The following LMBR1 variants were observed in gnomAD, a reference collection of about 807,000 sequenced individuals.
LMBR1 encodes the protein limb development membrane protein 1.
A neutral mutation model predicts 73.9 loss-of-function variants in LMBR1; 52 were observed. The ratio of observed to expected loss-of-function variants is 0.70; its 90% CI spans 0.56 to 0.89. The LOEUF (loss-of-function observed/expected upper bound fraction) is 0.89. LMBR1 is among the 40% of genes least tolerant of loss of function. The pLI, the probability that LMBR1 is intolerant of heterozygous loss-of-function variation, is 0.00. For synonymous variants in LMBR1, 215 were observed against 209.4 expected, an observed-to-expected ratio of 1.03 and a Z score of -0.23; for missense variants, 539 against 579.8, an observed-to-expected ratio of 0.93 and a Z score of 0.72.
chr7:156,713,231 TGA>T (rs146382877), intron 15 of LMBR1, among the ~76,000 whole-genome samples: 66 of 146,214 alleles, frequency 4.5e-4, no homozygotes, highest in Non-Finnish European at 4.8e-4. Context: ...CTGCCGGGGG[TGA>T]GAGAGAGAGA....
chr7:156,750,923 A>C (rs1275744738), intron 9 of LMBR1, among the ~76,000 whole-genome samples: 1 of 152,154 alleles, frequency 6.6e-6, no homozygotes, highest in Non-Finnish European at 1.5e-5. Context: ...CAGCCTGGGC[A>C]ATATGGCAAA....
At chr7:156,712,185 A>G (rs1398132535) in intron 15 of LMBR1, among the ~76,000 whole-genome samples, 1 of 152,220 alleles carries the variant, frequency 6.6e-6, no homozygotes, top group African/African-American at 2.4e-5. Flanking sequence ...AAGTGAGCAA[A>G]GGACACACTT....
At chr7:156,677,377 A>G (rs1051559545), downstream of LMBR1, among the ~76,000 whole-genome samples, 2 of 152,128 alleles carry the variant, frequency 1.3e-5, no homozygotes, top group African/African-American at 2.4e-5. Context: ...CATGTCAGCC[A>G]TGGGTGAGGC....
chr7:156,679,285 T>C lies in LMBR1; in HGVS notation c.*4793A>G, dbSNP rs541387194. The C allele has an allele frequency of 2.0e-5, 3 of 152,302 alleles. No individual in the cohort carries two copies. The South Asian group carries it at 6.2e-4, about 32-fold the overall frequency. 9.4% of individuals were successfully genotyped at this position (152,302 alleles called of 1,614,324 possible). ...CTCACCACCCCTGCTTCCAAGTCTT[T>C]GATGAGATTCCACAGTAAAGACTAA... On this transcript the variant is annotated 3_prime_UTR_variant, in exon 17 of 17. Transcript: ENST00000353442.
At chr7:156,866,406 G>A (rs1798462100) in intron 1 of LMBR1, among the ~76,000 whole-genome samples, 1 of 151,756 alleles carries the variant, frequency 6.6e-6, no homozygotes, top group Admixed American at 6.6e-5. Context: ...ACAGGGGCCA[G>A]TTGTAGATGC....
At chr7:156,672,635 A>G in intron 4 of LMBR1, among the ~76,000 whole-genome samples, 1 of 152,262 alleles carries the variant, frequency 6.6e-6, no homozygotes, top group East Asian at 1.9e-4. Context: ...GGATTGCTCC[A>G]GGCATCCTGT....
At chr7:156,798,879 T>G (rs1389188751) in intron 4 of LMBR1, among the ~76,000 whole-genome samples, 1 of 152,052 alleles carries the variant, frequency 6.6e-6, no homozygotes, top group Admixed American at 6.6e-5. Flanking sequence ...TCTCATAGTC[T>G]TTTTAAAAAA....
intron 1 of LMBR1, among the ~76,000 whole-genome samples, chr7:156,856,052 G>A (rs545970992): frequency 1.1e-3 from 164 of 152,110 alleles, no homozygotes; most frequent in Middle Eastern, 3.4e-3. Context: ...AAAATTAGCC[G>A]GGTGTGGTGG....
chr7:156,865,990 A>T (rs567759063), intron 1 of LMBR1, among the ~76,000 whole-genome samples: 1 of 152,218 alleles, frequency 6.6e-6, no homozygotes, highest in African/African-American at 2.4e-5. Flanking sequence ...TTATTGGAAG[A>T]AGGTATAGAA....
At chr7:156,867,119 T>G (rs905282874) in intron 1 of LMBR1, among the ~76,000 whole-genome samples, 1 of 152,180 alleles carries the variant, frequency 6.6e-6, no homozygotes, top group Admixed American at 6.5e-5. Flanking sequence ...GTTGAAGAGA[T>G]ATTTCTCCAA....
At chr7:156,802,925 T>C (rs943556829) in intron 4 of LMBR1, among the ~76,000 whole-genome samples, 2 of 152,076 alleles carry the variant, frequency 1.3e-5, no homozygotes, top group Non-Finnish European at 1.5e-5. Context: ...TAATAAATGG[T>C]GCTGGGAGAA....
intron 5 of LMBR1, among the ~76,000 whole-genome samples, chr7:156,768,475 T>C (rs1367790929): frequency 1.3e-5 from 2 of 152,172 alleles, no homozygotes; most frequent in African/African-American, 4.8e-5. Context: ...AATAAAAAAT[T>C]CCTAAGTATG....
At position 156,756,477 on chromosome 7, in the gene LMBR1, G is replaced by A. The variant is rs867900642; in HGVS notation, c.685-12C>T. On this transcript the variant is annotated splice_polypyrimidine_tract_variant and intron_variant, in intron 8 of 16. Coordinates refer to ENST00000353442, the MANE Select transcript of LMBR1 (RefSeq NM_022458.4). ...AGGTCTTCAAGAATCTAAATTTAAAGATAAAACTATTCAATAATTCAACGT... is the reference window on the plus strand; with the variant it reads ...AGGTCTTCAAGAATCTAAATTTAAAAATAAAACTATTCAATAATTCAACGT... 1 of 1,220,878 alleles carries A rather than the reference G, an allele frequency of 8.2e-7. No individual in the cohort carries two copies. Among genetic ancestry groups the A allele is most frequent in the African/African-American group, 1.5e-5 (1 of 66,036 alleles). 75.6% of individuals were successfully genotyped at this position (1,220,878 alleles called of 1,614,324 possible).
chr7:156,874,037 G>C lies in LMBR1; in HGVS notation c.66+18891C>G, dbSNP rs550981853. ...CAGCCCTTGGGTGGTCGATGGGACTGGGCGCCGTGGAGCAGGGGGTGGTGC... is the reference window on the plus strand; with the variant it reads ...CAGCCCTTGGGTGGTCGATGGGACTCGGCGCCGTGGAGCAGGGGGTGGTGC... On this transcript the variant is annotated intron_variant, in intron 1 of 16. Transcript: ENST00000353442. Among the ~76,000 whole-genome samples the C allele has an allele frequency of 6.6e-5, 10 of 152,386 alleles. No homozygotes were observed. In the South Asian group the frequency reaches 2.1e-3, roughly 32 times the overall value.
rs552652331 is a variant in LMBR1, at chr7:156,837,248, T to C, written c.67-363A>G. 1.1e-4 allele frequency among the ~76,000 whole-genome samples: 16 copies of C among 150,256 alleles called. No individual in the cohort carries two copies. In the East Asian group the frequency reaches 2.9e-3, roughly 28 times the overall value. On this transcript the variant is annotated intron_variant, in intron 1 of 16. Transcript: ENST00000353442. ...TACTCGAGATGCTGAGGCAGGAGAA[T>C]CTCTTCAACGCAGGAGGCGGAGGTT...
At chr7:156,676,179 T>C (rs1426365335), downstream of LMBR1, 5 of 1,244,958 alleles carry the variant, frequency 4.0e-6, no homozygotes, top group Non-Finnish European at 5.4e-6. Flanking sequence ...CTGTTGGATG[T>C]TGCTTATCAC....
At chr7:156,798,133 C>G (rs1830355024) in intron 4 of LMBR1, among the ~76,000 whole-genome samples, 1 of 152,156 alleles carries the variant, frequency 6.6e-6, no homozygotes, top group Non-Finnish European at 1.5e-5. Flanking sequence ...TGCTGCACTT[C>G]TATGTGACAA....
intron 15 of LMBR1, among the ~76,000 whole-genome samples, chr7:156,701,043 T>C (rs1201063399): frequency 6.6e-6 from 1 of 152,138 alleles, no homozygotes; most frequent in African/African-American, 2.4e-5. Context: ...GATTTACTAT[T>C]ATGAAAACAG....
intron 9 of LMBR1, among the ~76,000 whole-genome samples, chr7:156,741,905 AG>A (rs996382078): frequency 6.6e-6 from 1 of 152,184 alleles, no homozygotes; most frequent in Non-Finnish European, 1.5e-5. Context: ...AGGTCACAAC[AG>A]AAGTCTTAAA....
Sources: allele counts gnomAD v4.1 joint callset (sites outside exome capture counted in the v4.1 genomes callset), GRCh38; gene constraint gnomAD v4.1.1; transcripts MANE v1.5; gene names NCBI Gene and HGNC (gene_info 2026-07-23, HGNC 2026-07-21).